The following RALGAPA2 variants were observed in gnomAD, a reference collection of about 807,000 sequenced individuals.
The protein encoded by RALGAPA2 is ral GTPase-activating protein subunit alpha-2.
Under a neutral mutation model 230.4 loss-of-function variants are expected in RALGAPA2, and 139 were observed. The observed-to-expected ratio is 0.60, with a 90% CI of 0.53 to 0.69. The LOEUF (loss-of-function observed/expected upper bound fraction) is 0.69. Ranked by LOEUF, RALGAPA2 falls within the 30% of genes least tolerant of loss-of-function variation. The pLI is 0.00. For missense variants in RALGAPA2, 2,163 were observed against 2,276.0 expected (o/e 0.95, Z 1.01); for synonymous variants, 847 against 837.8 (o/e 1.01, Z -0.19).
At chr20:20,458,861 TATATATATATATATAC>T (rs2061230760) in intron 37 of RALGAPA2, among the ~76,000 whole-genome samples, 1 of 141,472 alleles carries the variant, frequency 7.1e-6, no homozygotes, top group Non-Finnish European at 1.5e-5. Flanking sequence ...TAGACCTATA[TATATATATATATATAC>T]ACACACACAA....
intron 23 of RALGAPA2, among the ~76,000 whole-genome samples, chr20:20,568,533 AAC>A (rs2064522548): frequency 1.3e-5 from 2 of 152,356 alleles, no homozygotes; most frequent in Middle Eastern, 3.4e-3. Flanking sequence ...ATTGCCAGAG[AAC>A]ACAACTCATG....
At chr20:20,564,579 G>C (rs1177121015) in intron 23 of RALGAPA2, among the ~76,000 whole-genome samples, 1 of 152,204 alleles carries the variant, frequency 6.6e-6, no homozygotes, top group Non-Finnish European at 1.5e-5. Context: ...TTAGGAAGGA[G>C]TGATGTGACC....
chr20:20,395,176 G>T (rs2059685526), intron 39 of RALGAPA2, among the ~76,000 whole-genome samples: 1 of 152,218 alleles, frequency 6.6e-6, no homozygotes. Flanking sequence ...ATGGCCAGGG[G>T]CAAAGGGCAA....
intron 38 of RALGAPA2, 98 bp from the exon 39 acceptor site, chr20:20,396,832 G>A: frequency 9.6e-7 from 1 of 1,045,650 alleles, no homozygotes. Flanking sequence ...ATTTATCCCT[G>A]AGCTGCCCAA....
intron 4 of RALGAPA2, among the ~76,000 whole-genome samples, chr20:20,644,095 A>G (rs564861380): frequency 6.6e-6 from 1 of 152,258 alleles, no homozygotes; most frequent in Admixed American, 6.5e-5. Flanking sequence ...TAGAATGAGA[A>G]AAGCTTCTCT....
chr20:20,539,379 T>G (rs2063579792), intron 24 of RALGAPA2, among the ~76,000 whole-genome samples: 1 of 152,234 alleles, frequency 6.6e-6, no homozygotes. Context: ...CAGAGTGTGA[T>G]TCCTTCATGT....
intron 36 of RALGAPA2, among the ~76,000 whole-genome samples, chr20:20,479,251 GAAAGAACAAATA>G (rs1489443841): frequency 3.3e-5 from 5 of 151,982 alleles, no homozygotes; most frequent in Admixed American, 3.3e-4. Context: ...TAAAATCTTC[GAAAGAACAAATA>G]ACTATTATTT....
chr20:20,560,801 A>G (rs1222000808), intron 23 of RALGAPA2, among the ~76,000 whole-genome samples: 2 of 152,220 alleles, frequency 1.3e-5, no homozygotes, highest in Non-Finnish European at 2.9e-5. Context: ...AACATTTCTT[A>G]AAGTCTTCAT....
chr20:20,425,447 C>T (rs181332005), intron 37 of RALGAPA2, among the ~76,000 whole-genome samples: 1 of 152,234 alleles, frequency 6.6e-6, no homozygotes, highest in African/African-American at 2.4e-5. Context: ...ATATCACTAC[C>T]TCTGGAAGCA....
chr20:20,555,478 G>A (rs1202025774), intron 23 of RALGAPA2, among the ~76,000 whole-genome samples: 1 of 152,158 alleles, frequency 6.6e-6, no homozygotes, highest in Non-Finnish European at 1.5e-5. Flanking sequence ...AATTTTGATA[G>A]GGATTGTATG....
At chr20:20,431,878 T>C (rs1474528676) in intron 37 of RALGAPA2, among the ~76,000 whole-genome samples, 1 of 152,222 alleles carries the variant, frequency 6.6e-6, no homozygotes, top group African/African-American at 2.4e-5. Flanking sequence ...GCAGCCATAA[T>C]GTCTACAAGA....
In RALGAPA2 at chr20:20,581,834, A is replaced by G. The variant is rs1245175053; in HGVS notation, c.2707+1216T>C. 2.0e-5 allele frequency among the ~76,000 whole-genome samples: 3 copies of G among 152,194 alleles called. No individual in the cohort carries two copies. The South Asian group carries it at 6.2e-4, about 32-fold the overall frequency. On this transcript the variant is annotated intron_variant, in intron 20 of 39. Coordinates refer to ENST00000202677, the MANE Select transcript of RALGAPA2 (RefSeq NM_020343.4). ...GAAAACCAGTTTGCTTGGTTTAAAAAAAAAAATCCATTTAAGGTCAAATTT... is the reference window on the plus strand; with the variant it reads ...GAAAACCAGTTTGCTTGGTTTAAAAGAAAAAATCCATTTAAGGTCAAATTT...
chr20:20,399,667 G>T (rs1211987833), intron 38 of RALGAPA2, among the ~76,000 whole-genome samples: 4 of 152,232 alleles, frequency 2.6e-5, no homozygotes, highest in African/African-American at 4.8e-5. Context: ...AAGCAGCACA[G>T]GAAACAAGAG....
At chr20:20,404,316 G>A (rs762643009) in intron 38 of RALGAPA2, among the ~76,000 whole-genome samples, 4 of 152,172 alleles carry the variant, frequency 2.6e-5, no homozygotes, top group Non-Finnish European at 4.4e-5. Flanking sequence ...AAAAGGAACC[G>A]GCAGGTTTAG....
Position 20,511,296 on chromosome 20 carries a change from G to C in RALGAPA2, c.4886C>G (p.Ser1629Ter). The C allele has an allele frequency of 1.9e-6, 3 of 1,564,416 alleles. No individual in the cohort carries two copies. Among genetic ancestry groups the C allele is most frequent in the Non-Finnish European group, 2.6e-6 (3 of 1,153,540 alleles). ...ATTTTTCAGCTCTCTCAATAATTTT[G>C]AATTTTTCTTCAATAGATGAAAATT... Reference protein sequence around the residue: ...RKNFHLLKKNSKLLRELKNLD... With the variant: ...RKNFHLLKKN The change falls in exon 33 of 40, where the codon TCA becomes TGA. Residue 1629 changes from serine (S) to a stop codon, truncating the protein, a stop_gained. Coordinates refer to ENST00000202677, the MANE Select transcript of RALGAPA2 (RefSeq NM_020343.4). LOFTEE classifies it high-confidence loss of function.
chr20:20,613,898 G>T (rs2066053952), intron 13 of RALGAPA2, among the ~76,000 whole-genome samples: 1 of 152,132 alleles, frequency 6.6e-6, no homozygotes, highest in Non-Finnish European at 1.5e-5. Context: ...TTTCCCCTTT[G>T]CAACCTTCAC....
intron 23 of RALGAPA2, among the ~76,000 whole-genome samples, chr20:20,558,002 C>T (rs555807870): frequency 4.6e-5 from 7 of 151,894 alleles, no homozygotes; most frequent in South Asian, 2.1e-4. Context: ...ACTATTTTTT[C>T]AATTTTTTTA....
chr20:20,656,452 G>C (rs1418939969), intron 3 of RALGAPA2, among the ~76,000 whole-genome samples: 1 of 152,108 alleles, frequency 6.6e-6, no homozygotes, highest in African/African-American at 2.4e-5. Context: ...CACAACCTTT[G>C]TAAGCCAGAC....
chr20:20,607,461 GAAAAT>G (rs138597512), intron 14 of RALGAPA2, among the ~76,000 whole-genome samples: 1,667 of 152,028 alleles, frequency 0.011, 27 homozygotes, highest in African/African-American at 0.038. Flanking sequence ...AAATATGAAA[GAAAAT>G]AAAATAATTT....
Sources: gnomAD v4.1 joint callset for allele counts (sites outside exome capture counted in the v4.1 genomes callset) on GRCh38, gnomAD v4.1.1 for gene constraint, MANE v1.5 for transcripts, NCBI Gene and HGNC (gene_info 2026-07-23, HGNC 2026-07-21) for gene names.